CIITA: variants seen among roughly 807,000 people sequenced by gnomAD.
CIITA encodes MHC class II transactivator.
Under a neutral mutation model 115.1 loss-of-function variants are expected in CIITA, and 72 were observed. The ratio of observed to expected loss-of-function variants is 0.63; its 90% CI spans 0.52 to 0.76. CIITA has a LOEUF of 0.76. CIITA is among the 30% of genes least tolerant of loss of function. The pLI is 0.00. For synonymous variants in CIITA, 763 were observed against 635.6 expected (o/e 1.20, Z -3.02); for missense variants, 1,617 against 1,463.8 (o/e 1.10, Z -1.71).
intron 10 of CIITA, among the ~76,000 whole-genome samples, chr16:10,905,056 T>C (rs2039045664): frequency 6.6e-6 from 1 of 152,154 alleles, no homozygotes; most frequent in Admixed American, 6.5e-5. Flanking sequence ...TAACACTTCA[T>C]TGTCAGGCTG....
intron 5 of CIITA, among the ~76,000 whole-genome samples, chr16:10,899,888 T>G (rs1311233761): frequency 6.6e-6 from 1 of 152,176 alleles, no homozygotes; most frequent in African/African-American, 2.4e-5. Flanking sequence ...GATACCTGCC[T>G]GGCCAACATG....
chr16:10,909,354 C>A (rs1041660218), intron 12 of CIITA, among the ~76,000 whole-genome samples, 167 bp downstream of exon 12: 2 of 152,248 alleles, frequency 1.3e-5, no homozygotes, highest in South Asian at 4.1e-4. Context: ...GCACTCGCTG[C>A]CCAGGCGGAG....
Position 10,879,015 on chromosome 16 carries a change from A to AGCGC in CIITA, c.52+1639_52+1642dup, listed in dbSNP as rs1263557651. On this transcript the variant is annotated intron_variant, in intron 1 of 19. Transcript: ENST00000324288. The surrounding 1 kb of genome is among the most constrained non-coding windows in gnomAD (Gnocchi z 4.3). ...CTGGCGGGAGGGAGAGGCCACCAGC[A>AGCGC]GCGCGCGCGGGAGCCCGGGGAACAG... is the stretch of plus-strand genomic sequence containing the variant. 1 of 218,916 alleles carries AGCGC rather than the reference A, an allele frequency of 4.6e-6. No individual in the cohort carries two copies. Among genetic ancestry groups the AGCGC allele is most frequent in the African/African-American group, 2.3e-5 (1 of 44,428 alleles). 13.6% of individuals were successfully genotyped at this position (218,916 alleles called of 1,614,324 possible). A position where few individuals can be genotyped will look rare whatever the true frequency, so the allele number is the denominator to read the frequency against.
rs1225370497 is a variant in CIITA at position 10,932,999 on chromosome 16, T to C, written c.*9144T>C. On this transcript the variant is annotated 3_prime_UTR_variant, in exon 20 of 20. Coordinates refer to ENST00000324288, the MANE Select transcript of CIITA (RefSeq NM_000246.4). ...TGCAGCCTACAGGCCGCACCACGGA[T>C]TGAACAAGTTTCTTCTAAGGCATCA... is the stretch of plus-strand genomic sequence containing the variant. The C allele has an allele frequency of 2.0e-5, 3 of 152,218 alleles. No homozygotes were observed. The highest frequency in any genetic ancestry group is 7.2e-5 in the African/African-American group (3 of 41,440). 9.4% of individuals were successfully genotyped at this position (152,218 alleles called of 1,614,324 possible).
upstream of CIITA, among the ~76,000 whole-genome samples, chr16:10,873,352 A>G (rs2035614252): frequency 6.6e-6 from 1 of 152,282 alleles, no homozygotes; most frequent in African/African-American, 2.4e-5. Flanking sequence ...TAACAGATGT[A>G]TGATCTAATC....
downstream of CIITA, chr16:10,940,504 C>T (rs1347576354): frequency 6.6e-6 from 1 of 152,318 alleles, no homozygotes; most frequent in East Asian, 1.9e-4. This position sits in a 1 kb window ranked among gnomAD's most constrained non-coding sequence, Gnocchi z 4.2. Context: ...ATCTCAGCAT[C>T]CCCTCTTCAT....
At chr16:10,880,196 G>A (rs13331323) in intron 1 of CIITA, among the ~76,000 whole-genome samples, 6,329 of 152,206 alleles carry the variant, frequency 0.042, 467 homozygotes, top group African/African-American at 0.14. Flanking sequence ...CTTTGGAGAT[G>A]ACTGAGTGGG....
chr16:10,883,616 CT>C (rs1280382400), intron 1 of CIITA, among the ~76,000 whole-genome samples: 1 of 152,138 alleles, frequency 6.6e-6, no homozygotes, highest in Admixed American at 6.5e-5. Context: ...TCTGTGGTGT[CT>C]TTTGTGGGGT....
chr16:10,916,313 G>C, intron 14 of CIITA, 54 bp from the exon 15 acceptor site: 1 of 1,557,330 alleles, frequency 6.4e-7, no homozygotes, highest in Non-Finnish European at 8.8e-7. Flanking sequence ...GGATGGGAAG[G>C]GTCAGATGGC....
intron 5 of CIITA, among the ~76,000 whole-genome samples, chr16:10,900,723 G>C (rs1461435930): frequency 6.7e-6 from 1 of 149,904 alleles, no homozygotes; most frequent in South Asian, 2.1e-4. Flanking sequence ...CTGGGCAACA[G>C]AGCTAGACTC....
In CIITA at chr16:10,926,002, G is replaced by A. The variant is rs973009354; in HGVS notation, c.*2147G>A. On this transcript the variant is annotated 3_prime_UTR_variant, in exon 20 of 20. Transcript: ENST00000324288. ...TTTCTACCCAGCGAGCTGCCGGCACGACTGTTGCTTTTCACTCGGGCATAG... is the reference window on the plus strand; with the variant it reads ...TTTCTACCCAGCGAGCTGCCGGCACAACTGTTGCTTTTCACTCGGGCATAG... 1 of 152,210 alleles carries A rather than the reference G, an allele frequency of 6.6e-6. No individual in the cohort carries two copies. The highest frequency in any genetic ancestry group is 1.5e-5 in the Non-Finnish European group (1 of 68,038). The allele number at this position is 152,210 out of a possible 1,614,324, so 9.4% of individuals were successfully genotyped here.
In CIITA at chr16:10,941,610, C is replaced by CCCCGTCCAGATGGTGCCCCAA; in HGVS notation, n.755_756insAACCCGTCCAGATGGTGCCCC. ...GGAGGGTCTCCTCCTGGGGAACCAT[C>CCCCGTCCAGATGGTGCCCCAA]CCCGTCCAGATGGTGCCCCCAACCA... is the stretch of plus-strand genomic sequence containing the variant. On this transcript the variant is annotated non_coding_transcript_exon_variant, in exon 2 of 2. Coordinates refer to the CIITA transcript ENST00000573379. The surrounding 1 kb of genome is among the most constrained non-coding windows in gnomAD (Gnocchi z 6.4). The CCCCGTCCAGATGGTGCCCCAA allele has an allele frequency of 6.7e-7, 1 of 1,502,258 alleles. No individual in the cohort carries two copies. Among genetic ancestry groups the CCCCGTCCAGATGGTGCCCCAA allele is most frequent in the East Asian group, 2.3e-5 (1 of 42,836 alleles). 93.1% of individuals were successfully genotyped at this position (1,502,258 alleles called of 1,614,324 possible). A position where few individuals can be genotyped will look rare whatever the true frequency, so the allele number is the denominator to read the frequency against.
intron 10 of CIITA, among the ~76,000 whole-genome samples, chr16:10,905,143 T>C (rs370120731): frequency 6.6e-6 from 1 of 152,122 alleles, no homozygotes; most frequent in East Asian, 1.9e-4. Context: ...ATGGGAGCAA[T>C]GGAAAGTGGG....
At chr16:10,892,133 G>A (rs1019917654) in intron 1 of CIITA, among the ~76,000 whole-genome samples, 5 of 152,224 alleles carry the variant, frequency 3.3e-5, no homozygotes, top group Admixed American at 2.6e-4. Context: ...AAACCAGCCT[G>A]ACCAACATGG....
Position 10,901,912 on chromosome 16 carries a change from C to T in CIITA, c.482-126C>T. The T allele has an allele frequency of 9.6e-6, 13 of 1,352,036 alleles. No homozygotes were observed. Among genetic ancestry groups the T allele is most frequent in the Non-Finnish European group, 1.4e-5 (13 of 958,612 alleles). The allele number at this position is 1,352,036 out of a possible 1,614,324, so 83.8% of individuals were successfully genotyped here. A position where few individuals can be genotyped will look rare whatever the true frequency, so the allele number is the denominator to read the frequency against. On this transcript the variant is annotated intron_variant, in intron 6 of 19. Transcript: ENST00000324288. This position sits in a 1 kb window ranked among gnomAD's most constrained non-coding sequence, Gnocchi z 6.8. ...CAGTTGCTGATCAACACAGCTGCAG[C>T]CAGGGCTGAGAAGATGACAAGCATT...
intron 3 of CIITA, among the ~76,000 whole-genome samples, chr16:10,898,254 C>A (rs137882490): frequency 1.1e-4 from 16 of 152,206 alleles, no homozygotes; most frequent in African/African-American, 3.9e-4. Context: ...TGTAGAACCT[C>A]TAATTATCAC....
At chr16:10,885,849 C>T (rs1232301085) in intron 1 of CIITA, among the ~76,000 whole-genome samples, 1 of 152,124 alleles carries the variant, frequency 6.6e-6, no homozygotes, top group Non-Finnish European at 1.5e-5. Flanking sequence ...CCCATGAATC[C>T]TCCTTTGTTT....
rs144735718 is a variant in CIITA, at chr16:10,906,539, T to C, written c.1047T>C (p.Tyr349=). The change falls in exon 11 of 20, where the codon TAT becomes TAC. Residue 349 remains tyrosine (Y), a synonymous_variant. Coordinates refer to ENST00000324288, the MANE Select transcript of CIITA (RefSeq NM_000246.4). ...TCTACCGCTCACTGCAGGACACGTA[T>C]GGTGCCGAGCCCGCAGGCCCGGATG... ...EQFYRSLQDT[Y]GAEPAGPDGI... The C allele has an allele frequency of 1.4e-4, 226 of 1,612,502 alleles. 2 individuals carry two copies. The highest frequency in any genetic ancestry group is 1.7e-5 in the Non-Finnish European group (20 of 1,179,960).
rs533578436 is a variant in CIITA, at chr16:10,892,250, G to T, written c.53-3032G>T. 5.9e-5 allele frequency among the ~76,000 whole-genome samples: 9 copies of T among 152,194 alleles called. No homozygotes were observed. The South Asian group carries it at 1.9e-3, about 32-fold the overall frequency. On this transcript the variant is annotated intron_variant, in intron 1 of 19. Transcript: ENST00000324288. ...GAAGCAGGAGAATTGCTTGAATCCGGGAGGCAGAGGTTGCAGTGAGCCAAG... is the reference window on the plus strand; with the variant it reads ...GAAGCAGGAGAATTGCTTGAATCCGTGAGGCAGAGGTTGCAGTGAGCCAAG...
Sources: gnomAD v4.1 joint callset for allele counts (sites outside exome capture counted in the v4.1 genomes callset) on GRCh38, gnomAD v4.1.1 for gene constraint, Gnocchi (gnomAD v3.1) non-coding constraint, MANE v1.5 for transcripts, NCBI Gene and HGNC (gene_info 2026-07-23, HGNC 2026-07-21) for gene names.